The following LHFPL3 variants were observed in gnomAD, a reference collection of about 807,000 sequenced individuals.
LHFPL3 encodes the protein LHFPL tetraspan subfamily member 3 protein.
A neutral mutation model predicts 19.3 loss-of-function variants in LHFPL3; 5 were observed. The ratio of observed to expected loss-of-function variants is 0.26; its 90% CI spans 0.14 to 0.54. The LOEUF (loss-of-function observed/expected upper bound fraction) is 0.54, where lower values mean the gene tolerates loss of function less well. Ranked by LOEUF, LHFPL3 falls within the 20% of genes least tolerant of loss-of-function variation. The pLI is 0.94. For missense variants in LHFPL3, 249 were observed against 307.4 expected, an observed-to-expected ratio of 0.81 and a Z score of 1.42; for synonymous variants, 133 against 126.2, an observed-to-expected ratio of 1.05 and a Z score of -0.36.
chr7:104,602,020 CTTTTTTTTTT>C (rs57501560), intron 1 of LHFPL3, among the ~76,000 whole-genome samples: 1 of 91,456 alleles, frequency 1.1e-5, no homozygotes, highest in Non-Finnish European at 1.9e-5. Flanking sequence ...TTTTTCTTTT[CTTTTTTTTTT>C]TTTTTTTTTT....
intron 1 of LHFPL3, among the ~76,000 whole-genome samples, chr7:104,522,617 T>C (rs1174474505): frequency 6.6e-6 from 1 of 152,108 alleles, no homozygotes; most frequent in East Asian, 1.9e-4. Context: ...AAGATATGGT[T>C]CCTAGCCTCA....
intron 1 of LHFPL3, among the ~76,000 whole-genome samples, chr7:104,467,359 G>A (rs949370094): frequency 7.2e-5 from 11 of 152,238 alleles, no homozygotes; most frequent in African/African-American, 2.2e-4. Context: ...TTAATAACAT[G>A]GGGTCTACTC....
intron 2 of LHFPL3, among the ~76,000 whole-genome samples, chr7:104,781,478 T>G (rs1165463684): frequency 6.6e-6 from 1 of 152,168 alleles, no homozygotes; most frequent in African/African-American, 2.4e-5. Context: ...TGCAGAATAC[T>G]TACTGTATCT....
intron 2 of LHFPL3, among the ~76,000 whole-genome samples, chr7:104,871,779 C>T (rs1342663510): frequency 6.6e-6 from 1 of 152,010 alleles, no homozygotes; most frequent in Non-Finnish European, 1.5e-5. Context: ...CTGCCTCAGC[C>T]TCCCTAGTAG....
At chr7:104,865,253 G>A (rs1318795162) in intron 2 of LHFPL3, among the ~76,000 whole-genome samples, 1 of 152,150 alleles carries the variant, frequency 6.6e-6, no homozygotes, top group Non-Finnish European at 1.5e-5. Context: ...GAGAGAAGAA[G>A]GCTTCAGACG....
At chr7:104,682,405 A>T (rs1306338869) in intron 1 of LHFPL3, among the ~76,000 whole-genome samples, 1 of 152,224 alleles carries the variant, frequency 6.6e-6, no homozygotes, top group Non-Finnish European at 1.5e-5. Flanking sequence ...TAAGATCCCC[A>T]GGTGACTCAT....
intron 2 of LHFPL3, among the ~76,000 whole-genome samples, chr7:104,829,903 C>T (rs1029851787): frequency 7.2e-5 from 11 of 151,926 alleles, no homozygotes; most frequent in Admixed American, 7.2e-4. Flanking sequence ...GAGGAATCAC[C>T]ACACTGACTT....
chr7:104,902,118 G>T (rs1033884809), intron 2 of LHFPL3, among the ~76,000 whole-genome samples: 1 of 152,112 alleles, frequency 6.6e-6, no homozygotes, highest in African/African-American at 2.4e-5. Context: ...AGTGGCTCAT[G>T]CCTGTAATCC....
chr7:104,898,975 C>T (rs535614253), intron 2 of LHFPL3, among the ~76,000 whole-genome samples: 1 of 151,190 alleles, frequency 6.6e-6, no homozygotes, highest in African/African-American at 2.4e-5. Flanking sequence ...TGGTGGTATG[C>T]GCCTGTAGTC....
intron 1 of LHFPL3, among the ~76,000 whole-genome samples, chr7:104,402,100 A>C (rs1791325302): frequency 6.6e-6 from 1 of 151,772 alleles, no homozygotes. Flanking sequence ...AAAAAAAAAA[A>C]ACAAAAAACA....
intron 2 of LHFPL3, among the ~76,000 whole-genome samples, chr7:104,905,440 G>T (rs1441964876): frequency 6.6e-6 from 1 of 152,084 alleles, no homozygotes. Flanking sequence ...TCATGCTGAT[G>T]GTGGGGCACA....
chr7:104,549,703 T>C (rs1794633714), intron 1 of LHFPL3, among the ~76,000 whole-genome samples: 1 of 152,190 alleles, frequency 6.6e-6, no homozygotes. Context: ...ACGTTTTGCT[T>C]AACATCTGTG....
At chr7:104,522,882 G>A (rs1169845494) in intron 1 of LHFPL3, among the ~76,000 whole-genome samples, 1 of 152,122 alleles carries the variant, frequency 6.6e-6, no homozygotes, top group Non-Finnish European at 1.5e-5. Flanking sequence ...AGAGTGTTCA[G>A]AGTATAAGAG....
chr7:104,479,402 T>A (rs1003593738), intron 1 of LHFPL3, among the ~76,000 whole-genome samples: 3 of 151,856 alleles, frequency 2.0e-5, no homozygotes, highest in African/African-American at 7.3e-5. Flanking sequence ...ACTTCTTTTT[T>A]TTTTTTTGAG....
intron 1 of LHFPL3, among the ~76,000 whole-genome samples, chr7:104,689,085 T>C (rs1013973799): frequency 1.3e-5 from 2 of 152,208 alleles, no homozygotes; most frequent in African/African-American, 4.8e-5. Flanking sequence ...TACCCTTGAT[T>C]AATACTTTGT....
intron 1 of LHFPL3, among the ~76,000 whole-genome samples, chr7:104,710,427 C>T (rs1793279000): frequency 6.6e-6 from 1 of 152,096 alleles, no homozygotes; most frequent in Non-Finnish European, 1.5e-5. Context: ...TCATGTATAT[C>T]AGTCTCACCA....
chr7:104,519,773 C>T (rs1209327085), intron 1 of LHFPL3, among the ~76,000 whole-genome samples: 1 of 152,048 alleles, frequency 6.6e-6, no homozygotes, highest in East Asian at 1.9e-4. Flanking sequence ...GGGAAACAAG[C>T]CAGCTGTGTA....
intron 1 of LHFPL3, among the ~76,000 whole-genome samples, chr7:104,366,318 T>C (rs915694639): frequency 6.6e-6 from 1 of 152,022 alleles, no homozygotes; most frequent in Admixed American, 6.6e-5. Context: ...GGGAACAGAG[T>C]GCTGGATTGT....
chr7:104,567,428 A>G (rs939188948), intron 1 of LHFPL3, among the ~76,000 whole-genome samples: 3 of 152,070 alleles, frequency 2.0e-5, no homozygotes, highest in Admixed American at 6.5e-5. Context: ...GGTGATATGG[A>G]CTTTGTATAT....
Sources: allele counts gnomAD v4.1 joint callset (sites outside exome capture counted in the v4.1 genomes callset), GRCh38; gene constraint gnomAD v4.1.1; transcripts MANE v1.5; gene names NCBI Gene and HGNC (gene_info 2026-07-23, HGNC 2026-07-21).